Variants in DMD observed in about 807,000 individuals in gnomAD.
DMD encodes the protein dystrophin.
Under a neutral mutation model 330.1 loss-of-function variants are expected in DMD, and 63 were observed. That is an observed-to-expected ratio of 0.19 (90% CI 0.16 to 0.24). The LOEUF is 0.24. DMD is among the 10% of genes least tolerant of loss of function. The probability of loss-of-function intolerance (pLI) is 1.00; values close to 1 mark genes in which losing one functional copy is unlikely to be tolerated. For missense variants in DMD, 3,344 were observed against 2,684.1 expected (o/e 1.25, Z -5.43); for synonymous variants, 1,223 against 959.8 (o/e 1.27, Z -5.07).
intron 55 of DMD, among the ~76,000 whole-genome samples, chrX:31,532,228 C>G (rs1207033844): frequency 1.0e-5 from 1 of 96,558 alleles, no homozygotes; most frequent in Non-Finnish European, 2.0e-5. Context: ...TAAGGGCAGC[C>G]AGAGAGAAAG....
In DMD at chrX:31,875,386, T is replaced by TA; in HGVS notation, c.6913-14dup. On this transcript the variant is annotated splice_polypyrimidine_tract_variant and intron_variant, in intron 47 of 78. Transcript: ENST00000357033. ...AAGCTCTGGAAACCTGAAAGGAAAATACATTTTAAAAAGGTAAATAATTCT... is the reference window on the plus strand; with the variant it reads ...AAGCTCTGGAAACCTGAAAGGAAAATAACATTTTAAAAAGGTAAATAATTCT... 1 of 1,183,381 alleles carries TA rather than the reference T, an allele frequency of 8.5e-7. No homozygotes were observed. The highest frequency in any genetic ancestry group is 1.1e-6 in the Non-Finnish European group (1 of 873,973).
intron 44 of DMD, among the ~76,000 whole-genome samples, chrX:32,054,605 G>A (rs2096151452): frequency 9.2e-6 from 1 of 108,529 alleles, no homozygotes; most frequent in South Asian, 4.0e-4. Context: ...GCCATAACAA[G>A]TGTTTGCCAA....
chrX:32,770,651 C>A (rs1004015766), intron 7 of DMD, among the ~76,000 whole-genome samples: 1 of 111,656 alleles, frequency 9.0e-6, no homozygotes, highest in Admixed American at 9.6e-5. Flanking sequence ...AATACAGATT[C>A]TATTAGTAAT....
chrX:32,813,270 T>C (rs916248799), intron 6 of DMD, among the ~76,000 whole-genome samples: 1 of 112,057 alleles, frequency 8.9e-6, no homozygotes, highest in African/African-American at 3.2e-5. Context: ...GCATAAAAAT[T>C]GTAAAACTAA....
chrX:33,272,617 T>C (rs1224661654), intron 1 of DMD, among the ~76,000 whole-genome samples: 2 of 109,458 alleles, frequency 1.8e-5, no homozygotes, highest in African/African-American at 6.7e-5. Context: ...CTGATGGTGA[T>C]TGTTGCCCCA....
At chrX:31,753,943 C>A (rs1261696664) in intron 51 of DMD, among the ~76,000 whole-genome samples, 2 of 110,898 alleles carry the variant, frequency 1.8e-5, no homozygotes. Context: ...TTCTCAATAC[C>A]CACTCTAGCT....
chrX:33,155,112 A>G (rs1333736682), intron 1 of DMD, among the ~76,000 whole-genome samples: 5 of 111,608 alleles, frequency 4.5e-5, no homozygotes, highest in Non-Finnish European at 9.4e-5. Flanking sequence ...ATTTGTGGCT[A>G]ATAACAACAA....
At chrX:33,248,096 C>T (rs1302249504) in intron 1 of DMD, among the ~76,000 whole-genome samples, 1 of 111,095 alleles carries the variant, frequency 9.0e-6, no homozygotes, top group Non-Finnish European at 1.9e-5. Context: ...GGCTGGAGTG[C>T]GGTGGCGCGA....
intron 44 of DMD, among the ~76,000 whole-genome samples, chrX:32,140,246 A>T (rs1263757972): frequency 4.5e-5 from 5 of 112,244 alleles, no homozygotes; most frequent in African/African-American, 1.6e-4. Flanking sequence ...AATGGAACTG[A>T]GTTGTTCCTA....
chrX:33,146,255 A>G lies in DMD; in HGVS notation c.31+65027T>C, dbSNP rs760094458. Among the ~76,000 whole-genome samples the G allele has an allele frequency of 6.5e-4, 72 of 110,673 alleles. 1 individual carries two copies. In the Admixed American group the frequency reaches 6.9e-3, roughly 11 times the overall value. ...AGCCCAAAAAAGAAACCCCATACTCATTAGGAATCACTCTCCTTTCTCCAC... is the reference window on the plus strand; with the variant it reads ...AGCCCAAAAAAGAAACCCCATACTCGTTAGGAATCACTCTCCTTTCTCCAC... On this transcript the variant is annotated intron_variant, in intron 1 of 78. Transcript: ENST00000357033.
chrX:31,373,093 C>T (rs1446565605), intron 60 of DMD, among the ~76,000 whole-genome samples: 3 of 107,654 alleles, frequency 2.8e-5, no homozygotes, highest in South Asian at 8.5e-4. Context: ...AATAAAATAC[C>T]TAGGAATCCA....
rs184574404 is a variant in DMD, at chrX:31,729,755, G to A, written c.7543-7C>T. The A allele has an allele frequency of 1.7e-6, 2 of 1,171,870 alleles. No homozygotes were observed. The highest frequency in any genetic ancestry group is 1.8e-5 in the African/African-American group (1 of 56,561). ...CCAAATCCTGCATTGTTGCCTGTAAGAACAAATATCCCTTAGTATCAGGGT... is the reference window on the plus strand; with the variant it reads ...CCAAATCCTGCATTGTTGCCTGTAAAAACAAATATCCCTTAGTATCAGGGT... On this transcript the variant is annotated splice_polypyrimidine_tract_variant and splice_region_variant and intron_variant, in intron 51 of 78. Transcript: ENST00000357033.
At chrX:32,116,823 A>G (rs1467611767) in intron 44 of DMD, among the ~76,000 whole-genome samples, 2 of 112,131 alleles carry the variant, frequency 1.8e-5, no homozygotes, top group African/African-American at 6.5e-5. Flanking sequence ...ATTTCCCACC[A>G]ACTTTGTGGC....
At chrX:31,934,279 C>T (rs1247129827) in intron 45 of DMD, among the ~76,000 whole-genome samples, 2 of 111,115 alleles carry the variant, frequency 1.8e-5, no homozygotes, top group East Asian at 2.8e-4. Context: ...ACTACAGTTG[C>T]GATCATTCTG....
At chrX:31,276,255 C>T (rs2147842984) in intron 62 of DMD, among the ~76,000 whole-genome samples, 1 of 111,404 alleles carries the variant, frequency 9.0e-6, no homozygotes, top group Admixed American at 9.5e-5. Context: ...GACGGGGTTT[C>T]ACCATGTTGG....
At chrX:31,326,933 T>C (rs1412779028) in intron 61 of DMD, among the ~76,000 whole-genome samples, 1 of 112,372 alleles carries the variant, frequency 8.9e-6, no homozygotes, top group African/African-American at 3.2e-5. Flanking sequence ...TGGAAGCTTG[T>C]CATTCTTCAT....
intron 12 of DMD, among the ~76,000 whole-genome samples, chrX:32,610,967 CTTTTG>C (rs1257717701): frequency 9.0e-6 from 1 of 111,193 alleles, no homozygotes; most frequent in African/African-American, 3.3e-5. Flanking sequence ...CATTTATTTT[CTTTTG>C]TTTTATGAAG....
chrX:31,512,685 C>T (rs1190873231), intron 55 of DMD, among the ~76,000 whole-genome samples: 33 of 111,287 alleles, frequency 3.0e-4, no homozygotes, highest in African/African-American at 6.2e-4. Context: ...TTCTGTTCCA[C>T]TGATCTATAT....
chrX:32,936,236 G>A (rs762402863), intron 2 of DMD, among the ~76,000 whole-genome samples: 26 of 109,506 alleles, frequency 2.4e-4, no homozygotes, highest in Non-Finnish European at 3.6e-4. Flanking sequence ...CTCAGACTCC[G>A]GAGTAGCTGG....
Sources: gnomAD v4.1 joint callset for allele counts (sites outside exome capture counted in the v4.1 genomes callset) on GRCh38, gnomAD v4.1.1 for gene constraint, MANE v1.5 for transcripts, NCBI Gene and HGNC (gene_info 2026-07-23, HGNC 2026-07-21) for gene names.